Variants in KLHL29 observed in about 807,000 individuals in gnomAD.
KLHL29 encodes the protein kelch-like protein 29.
KLHL29 carries 21 observed loss-of-function variants against 80.4 expected under a neutral mutation model. The observed-to-expected ratio is 0.26, with a 90% CI of 0.19 to 0.38. The LOEUF (loss-of-function observed/expected upper bound fraction) is 0.38, where lower values mean the gene tolerates loss of function less well. Ranked by LOEUF, KLHL29 falls within the 10% of genes least tolerant of loss-of-function variation. The pLI is 1.00. For missense variants in KLHL29, 867 were observed against 1,223.9 expected (o/e 0.71, Z 4.35); for synonymous variants, 511 against 526.8 (o/e 0.97, Z 0.41).
chr2:23,536,890 TCACACACA>T (rs111611960), intron 2 of KLHL29, among the ~76,000 whole-genome samples: 6 of 143,112 alleles, frequency 4.2e-5, no homozygotes, highest in African/African-American at 1.3e-4. Context: ...AAGACAGATC[TCACACACA>T]CACACACACA....
intron 3 of KLHL29, among the ~76,000 whole-genome samples, chr2:23,569,705 C>T (rs1383077960): frequency 1.3e-5 from 2 of 152,062 alleles, no homozygotes; most frequent in Non-Finnish European, 2.9e-5. Context: ...AACTAGGAAC[C>T]GTCTGTAATG....
chr2:23,639,036 C>A, intron 3 of KLHL29, 103 bp from the exon 4 acceptor site: 1 of 1,175,986 alleles, frequency 8.5e-7, no homozygotes, highest in Non-Finnish European at 1.1e-6. Context: ...GAAGCTTAGG[C>A]AACTGGAGTC....
At chr2:23,650,377 A>G (rs1670058267) in intron 5 of KLHL29, among the ~76,000 whole-genome samples, 1 of 152,204 alleles carries the variant, frequency 6.6e-6, no homozygotes, top group South Asian at 2.1e-4. Context: ...ACGTGTGCAC[A>G]CAGTTTGCAG....
chr2:23,427,490 G>C lies in KLHL29; in HGVS notation c.-154+41710G>C, dbSNP rs190546861. Among the ~76,000 whole-genome samples, 7 of 152,262 alleles carry C rather than the reference G, an allele frequency of 4.6e-5. No individual in the cohort carries two copies. In the East Asian group the frequency reaches 1.4e-3, roughly 29 times the overall value. On this transcript the variant is annotated intron_variant, in intron 1 of 13. Coordinates refer to ENST00000486442, the MANE Select transcript of KLHL29 (RefSeq NM_052920.2). Reference sequence around the variant, plus strand: ...ACAGTAACTTTGAGTTCTCTGTGAGGCTCAGAGGGGTGGCGTGTTCTGCGT... The same window carrying C: ...ACAGTAACTTTGAGTTCTCTGTGAGCCTCAGAGGGGTGGCGTGTTCTGCGT...
chr2:23,631,637 G>T (rs930717600), intron 3 of KLHL29, among the ~76,000 whole-genome samples: 2 of 152,220 alleles, frequency 1.3e-5, no homozygotes, highest in African/African-American at 4.8e-5. Flanking sequence ...CTGGCCCCGC[G>T]TAGGGATTTA....
chr2:23,415,825 T>A (rs1251652138), intron 1 of KLHL29, among the ~76,000 whole-genome samples: 1 of 152,106 alleles, frequency 6.6e-6, no homozygotes, highest in Non-Finnish European at 1.5e-5. Flanking sequence ...TAGCCTCCTG[T>A]ATAGCTGGGA....
At chr2:23,655,982 G>C (rs969804232) in intron 5 of KLHL29, among the ~76,000 whole-genome samples, 2 of 152,182 alleles carry the variant, frequency 1.3e-5, no homozygotes, top group African/African-American at 4.8e-5. Context: ...ACTCGCAGTT[G>C]CTTAAGAGCA....
At chr2:23,554,630 C>T (rs1667236910) in intron 2 of KLHL29, among the ~76,000 whole-genome samples, 1 of 152,178 alleles carries the variant, frequency 6.6e-6, no homozygotes, top group Admixed American at 6.5e-5. Flanking sequence ...TGTCACCGGA[C>T]ACAGATGGCC....
chr2:23,471,050 G>C (rs747927380), intron 1 of KLHL29, among the ~76,000 whole-genome samples: 2 of 152,192 alleles, frequency 1.3e-5, no homozygotes, highest in Admixed American at 1.3e-4. Context: ...CAGAGGTGCC[G>C]CAGAGTCCCA....
intron 8 of KLHL29, among the ~76,000 whole-genome samples, chr2:23,693,868 C>A (rs1381385268): frequency 1.3e-5 from 2 of 152,162 alleles, no homozygotes; most frequent in African/African-American, 4.8e-5. Context: ...GATGGACAGC[C>A]CGCAATGGAC....
intron 2 of KLHL29, among the ~76,000 whole-genome samples, chr2:23,517,628 G>A (rs1157360177): frequency 6.5e-5 from 8 of 123,092 alleles, no homozygotes; most frequent in African/African-American, 9.1e-5. Context: ...TTTAACATGT[G>A]CAGAGTGGAT....
Position 23,408,536 on chromosome 2 carries a change from T to TA in KLHL29, c.-154+22757dup, listed in dbSNP as rs561367688. On this transcript the variant is annotated intron_variant, in intron 1 of 13. Transcript: ENST00000486442. ...TCTTAGAAACTTCATTCCTATATGT[T>TA]ACATATACATAGAGTGAGATCGTTC... Among the ~76,000 whole-genome samples, 4 of 152,288 alleles carry TA rather than the reference T, an allele frequency of 2.6e-5. No individual in the cohort carries two copies. In the East Asian group the frequency reaches 7.7e-4, roughly 29 times the overall value.
intron 2 of KLHL29, among the ~76,000 whole-genome samples, chr2:23,546,594 G>A (rs1213303983): frequency 1.3e-5 from 2 of 152,156 alleles, no homozygotes; most frequent in African/African-American, 2.4e-5. Flanking sequence ...GCTGACTATA[G>A]GGAGCAGCGA....
intron 1 of KLHL29, among the ~76,000 whole-genome samples, chr2:23,461,073 C>G (rs1664195667): frequency 6.6e-6 from 1 of 152,196 alleles, no homozygotes; most frequent in African/African-American, 2.4e-5. Context: ...CTGACAAAAT[C>G]AAACAATAAT....
chr2:23,591,191 G>C (rs1214306701), intron 3 of KLHL29, among the ~76,000 whole-genome samples: 1 of 152,198 alleles, frequency 6.6e-6, no homozygotes, highest in East Asian at 1.9e-4. Flanking sequence ...TGAGGCCAGG[G>C]GTGAAAAGGA....
chr2:23,570,362 G>A (rs1472660073), intron 3 of KLHL29, among the ~76,000 whole-genome samples: 1 of 152,206 alleles, frequency 6.6e-6, no homozygotes, highest in East Asian at 1.9e-4. Flanking sequence ...CGTCTCAATA[G>A]CAGAAGGCCA....
chr2:23,502,059 G>A (rs1003614249), intron 2 of KLHL29, among the ~76,000 whole-genome samples: 4 of 152,182 alleles, frequency 2.6e-5, no homozygotes, highest in Non-Finnish European at 4.4e-5. Flanking sequence ...CTGTTGCTGT[G>A]TAGCCAGGCC....
intron 2 of KLHL29, among the ~76,000 whole-genome samples, chr2:23,526,873 T>G (rs1346473086): frequency 1.3e-5 from 2 of 151,772 alleles, no homozygotes; most frequent in African/African-American, 2.4e-5. Flanking sequence ...TCTGGGTGGG[T>G]TTTTTTTGTC....
chr2:23,507,321 T>C (rs1035064840), intron 2 of KLHL29: 7 of 192,690 alleles, frequency 3.6e-5, no homozygotes, highest in African/African-American at 1.6e-4. Flanking sequence ...CAGGGCCCAT[T>C]TCAGGGGCCT....
Sources: gnomAD v4.1 joint callset for allele counts (sites outside exome capture counted in the v4.1 genomes callset) on GRCh38, gnomAD v4.1.1 for gene constraint, MANE v1.5 for transcripts, NCBI Gene and HGNC (gene_info 2026-07-23, HGNC 2026-07-21) for gene names.